ITGAE: variants seen among roughly 807,000 people sequenced by gnomAD.
The protein encoded by ITGAE is integrin alpha-E.
Under a neutral mutation model 136.5 loss-of-function variants are expected in ITGAE, and 99 were observed. The observed-to-expected ratio is 0.73, with a 90% CI of 0.62 to 0.86. ITGAE has a LOEUF of 0.86. ITGAE is among the 40% of genes least tolerant of loss of function. The pLI, the probability that ITGAE is intolerant of heterozygous loss-of-function variation, is 0.00. For synonymous variants in ITGAE, 613 were observed against 591.8 expected (o/e 1.04, Z -0.52); for missense variants, 1,447 against 1,515.3 (o/e 0.95, Z 0.75).
chr17:3,725,963 C>G, intron 26 of ITGAE: 1 of 1,613,798 alleles, frequency 6.2e-7, no homozygotes, highest in Non-Finnish European at 8.5e-7. Flanking sequence ...GCAGCACTAT[C>G]CCCAGCTGTG....
chr17:3,789,676 TTTTTTGTAGAGATG>T (rs1218174092), intron 1 of ITGAE, among the ~76,000 whole-genome samples: 1 of 152,028 alleles, frequency 6.6e-6, no homozygotes, highest in African/African-American at 2.4e-5. Flanking sequence ...CAATTTTGTA[TTTTTTGTAGAGATG>T]GAGTTTCACT....
chr17:3,715,446 C>T (rs2567880), intron 30 of ITGAE, among the ~76,000 whole-genome samples: 22,671 of 152,110 alleles, frequency 0.15, 5,267 homozygotes, highest in African/African-American at 0.5. Context: ...GTCTCTAGAC[C>T]GCTTTCAGGG....
intron 1 of ITGAE, among the ~76,000 whole-genome samples, chr17:3,781,294 T>C (rs1264749829): frequency 6.6e-6 from 1 of 152,140 alleles, no homozygotes; most frequent in Non-Finnish European, 1.5e-5. Context: ...AGGCTATTTC[T>C]TTTCATCCAC....
At chr17:3,745,305 A>G (rs2051684617) in intron 18 of ITGAE, among the ~76,000 whole-genome samples, 1 of 152,174 alleles carries the variant, frequency 6.6e-6, no homozygotes, top group African/African-American at 2.4e-5. Flanking sequence ...CAATGACAGC[A>G]TCTCCATCTT....
At chr17:3,756,035 G>A (rs2052014138) in intron 10 of ITGAE, 138 bp from the exon 11 acceptor site, 1 of 753,530 alleles carries the variant, frequency 1.3e-6, no homozygotes, top group Admixed American at 2.3e-5. Context: ...GCTGAGGGTA[G>A]AGACCCAGGT....
chr17:3,754,840 A>T, intron 12 of ITGAE: 2 of 242,878 alleles, frequency 8.2e-6, no homozygotes, highest in Non-Finnish European at 1.5e-5. Context: ...CTCCTCACGT[A>T]ACTTCCAGGC....
At chr17:3,725,786 C>A (rs1275771768) in intron 26 of ITGAE, 4 of 1,603,604 alleles carry the variant, frequency 2.5e-6, no homozygotes, top group Non-Finnish European at 3.4e-6. Flanking sequence ...AAATGCGAAC[C>A]AAGTTGTCTT....
In ITGAE at chr17:3,748,092, C is replaced by T. The variant is rs199683269; in HGVS notation, c.2025-40G>A. The T allele has an allele frequency of 5.7e-6, 9 of 1,592,464 alleles. No homozygotes were observed. In the East Asian group the frequency reaches 2.0e-4, roughly 36 times the overall value. ...AAAGAGGATGGGAGAAGTGACTGCT[C>T]AGCCTCTGGGTCAGGGCCTGGCTGA... On this transcript the variant is annotated intron_variant, in intron 16 of 30. Coordinates refer to ENST00000263087, the MANE Select transcript of ITGAE (RefSeq NM_002208.5).
intron 1 of ITGAE, among the ~76,000 whole-genome samples, chr17:3,781,639 G>A (rs1453432182): frequency 6.6e-6 from 1 of 152,206 alleles, no homozygotes; most frequent in African/African-American, 2.4e-5. Context: ...TTACAGGCGT[G>A]AGCCAAGGCC....
intron 2 of ITGAE, among the ~76,000 whole-genome samples, chr17:3,767,491 C>T (rs1274001389): frequency 6.6e-6 from 1 of 152,210 alleles, no homozygotes; most frequent in Non-Finnish European, 1.5e-5. Flanking sequence ...CCTCAGCCTC[C>T]CAAAGTGCTG....
In ITGAE at chr17:3,755,005, GGTAGGCCCCGCCCTCGCCCAC is replaced by G; in HGVS notation, c.1384+91_1384+111del. Reference sequence around the variant, plus strand: ...AGCCCCCAGGCCCCACCCTCGCCCAGGTAGGCCCCGCCCTCGCCCACGTAGCCCTCAGGCCCCACCCTCGCC... The same window carrying G: ...AGCCCCCAGGCCCCACCCTCGCCCAGGTAGCCCTCAGGCCCCACCCTCGCC... On this transcript the variant is annotated intron_variant, in intron 12 of 30. Transcript: ENST00000263087. 3 of 598,800 alleles carry G rather than the reference GGTAGGCCCCGCCCTCGCCCAC, an allele frequency of 5.0e-6. No homozygotes were observed. In the South Asian group the frequency reaches 1.0e-4, roughly 21 times the overall value. 37.1% of individuals were successfully genotyped at this position (598,800 alleles called of 1,614,324 possible).
Position 3,751,745 on chromosome 17 carries a change from G to A in ITGAE, c.1798C>T (p.Pro600Ser). Residue 600 changes from proline (P) to serine (S), a missense_variant, in exon 15 of 31, where the codon CCC becomes TCC. By Grantham distance (74) the Pro-to-Ser change is moderately conservative. This residue lies in a region of ITGAE where 1,031 missense variants were observed against 1,011.4 expected (regional missense o/e 1.02). Coordinates refer to ENST00000263087, the MANE Select transcript of ITGAE (RefSeq NM_002208.5). ...TCATCTGCCCCAAAACCTTCCAGGG[G>A]GGCCCCGATGGCCACATCTGTGAGC... Reference protein sequence around the residue: ...DKLTDVAIGAPLEGFGADDGA... With the variant: ...DKLTDVAIGASLEGFGADDGA... 39 of 1,614,044 alleles carry A rather than the reference G, an allele frequency of 2.4e-5. No homozygotes were observed. Among genetic ancestry groups the A allele is most frequent in the Non-Finnish European group, 3.3e-5 (39 of 1,179,966 alleles).
intron 1 of ITGAE, among the ~76,000 whole-genome samples, chr17:3,780,722 A>G (rs1567553985): frequency 6.6e-6 from 1 of 151,732 alleles, no homozygotes. Flanking sequence ...TTTTATTGAG[A>G]CAAGATCTCA....
Position 3,799,651 on chromosome 17 carries a change from T to G in ITGAE, c.34+1460A>C, listed in dbSNP as rs1048719761. Among the ~76,000 whole-genome samples the G allele has an allele frequency of 1.3e-5, 2 of 152,030 alleles. No homozygotes were observed. Among genetic ancestry groups the G allele is most frequent in the African/African-American group, 4.8e-5 (2 of 41,392 alleles). Reference sequence around the variant, plus strand: ...TGGGAGAGGGTAGACAAGAGTCTAGTCTAAGCATCTGCTCCAGATATTCTT... The same window carrying G: ...TGGGAGAGGGTAGACAAGAGTCTAGGCTAAGCATCTGCTCCAGATATTCTT... On this transcript the variant is annotated intron_variant, in intron 1 of 30. Coordinates refer to ENST00000263087, the MANE Select transcript of ITGAE (RefSeq NM_002208.5). The surrounding 1 kb of genome is among the most constrained non-coding windows in gnomAD (Gnocchi z 4.1).
chr17:3,745,684 G>A (rs781027875), intron 18 of ITGAE, 80 bp downstream of exon 18: 19 of 1,343,424 alleles, frequency 1.4e-5, no homozygotes, highest in African/African-American at 2.9e-5. Context: ...GTCTGGGTAT[G>A]TGCCCTTCAC....
Position 3,761,092 on chromosome 17 carries a change from T to C in ITGAE, c.519A>G (p.Thr173=). Residue 173 remains threonine, a synonymous_variant, in exon 6 of 31, where the codon ACA becomes ACG. Transcript: ENST00000263087. ...TCTCCAGAGCCCGGCGCTGCCTGGC[T>C]GTGTTCACATCGTCTTCTCCACCGC... ...KEGGGEDDVN[T]ARQRRALEKE... The C allele has an allele frequency of 6.2e-7, 1 of 1,612,658 alleles. No individual in the cohort carries two copies. The highest frequency in any genetic ancestry group is 1.3e-5 in the African/African-American group (1 of 75,030).
chr17:3,765,274 A>G (rs948597804), intron 2 of ITGAE, among the ~76,000 whole-genome samples: 8 of 137,308 alleles, frequency 5.8e-5, no homozygotes, highest in Admixed American at 3.3e-4. Flanking sequence ...GTGTGAACCC[A>G]GGAGGCAGAG....
chr17:3,777,592 G>A lies in ITGAE; in HGVS notation c.103C>T (p.Pro35Ser). The A allele has an allele frequency of 1.2e-6, 2 of 1,614,038 alleles. No individual in the cohort carries two copies. The highest frequency in any genetic ancestry group is 1.7e-6 in the Non-Finnish European group (2 of 1,179,958). ...TGCAGAAGGGAGCTGAGCACGAAAG[G>A]GGCACCTCCCTTGGGCGTGAGCCAG... ...RPWLTPKGGA[P>S]FVLSSLLHQD... Residue 35 changes from proline (P) to serine (S), a missense_variant, in exon 2 of 31, where the codon CCT becomes TCT. Physicochemically the swap from Pro to Ser is moderately conservative, Grantham distance 74. Around this residue, in one of 3 missense-constraint regions of ITGAE, gnomAD observed 106 missense variants for 87.8 expected, o/e 1.21. Transcript: ENST00000263087.
chr17:3,773,490 A>G (rs75136979), intron 2 of ITGAE, among the ~76,000 whole-genome samples: 1 of 148,842 alleles, frequency 6.7e-6, no homozygotes, highest in Non-Finnish European at 1.5e-5. Flanking sequence ...CCTCAAAAAG[A>G]AAAAAAAAAG....
Sources: allele counts gnomAD v4.1 joint callset (sites outside exome capture counted in the v4.1 genomes callset), GRCh38; gene constraint gnomAD v4.1.1; regional missense constraint gnomAD v4.1.1; non-coding constraint Gnocchi (gnomAD v3.1); transcripts MANE v1.5; gene names NCBI Gene and HGNC (gene_info 2026-07-23, HGNC 2026-07-21).